Variants in ABI2 observed in about 807,000 individuals in gnomAD.
ABI2 encodes abelson interactor 2.
In ABI2, 25 loss-of-function variants were observed where a neutral mutation model predicts 59.2. That is an observed-to-expected ratio of 0.42 (90% CI 0.31 to 0.59). ABI2 has a LOEUF of 0.59. Among genes scored for constraint, ABI2 ranks in the 20% least tolerant of loss-of-function variants. The pLI is 0.14. For missense variants in ABI2, 545 were observed against 681.8 expected (o/e 0.80, Z 2.23); for synonymous variants, 213 against 235.5 (o/e 0.90, Z 0.87).
At chr2:203,388,676 G>T (rs1320632083) in intron 4 of ABI2, among the ~76,000 whole-genome samples, 1 of 151,794 alleles carries the variant, frequency 6.6e-6, no homozygotes, top group Non-Finnish European at 1.5e-5. Flanking sequence ...GCGAGACTCT[G>T]TCTTAAAAAA....
intron 1 of ABI2, among the ~76,000 whole-genome samples, chr2:203,338,670 GA>G (rs2077562149): frequency 6.6e-6 from 1 of 151,668 alleles, no homozygotes; most frequent in South Asian, 2.1e-4. Flanking sequence ...ACGATCATAA[GA>G]ATGGACTGAT....
chr2:203,374,485 C>T (rs1175507606), intron 2 of ABI2, among the ~76,000 whole-genome samples: 4 of 124,536 alleles, frequency 3.2e-5, no homozygotes, highest in South Asian at 2.4e-4. Context: ...GGTGGCAAAG[C>T]GAGACTCTGT....
chr2:203,346,783 C>T (rs1187012706), intron 1 of ABI2, among the ~76,000 whole-genome samples: 3 of 152,114 alleles, frequency 2.0e-5, no homozygotes, highest in Admixed American at 1.3e-4. Context: ...AAAATAATAA[C>T]CTGTGGCCAA....
At chr2:203,384,290 GTTTTTTT>G (rs796117154) in intron 4 of ABI2, among the ~76,000 whole-genome samples, 1 of 26,110 alleles carries the variant, frequency 3.8e-5, no homozygotes, top group Non-Finnish European at 8.0e-5. Flanking sequence ...TTTTGTTTTT[GTTTTTTT>G]TTTTTTTTTT....
At chr2:203,380,047 A>G (rs2096010916) in intron 2 of ABI2, among the ~76,000 whole-genome samples, 161 bp from the exon 3 acceptor site, 1 of 152,222 alleles carries the variant, frequency 6.6e-6, no homozygotes, top group Non-Finnish European at 1.5e-5. Context: ...CCTTGCTTTA[A>G]CCTAAAAATG....
intron 4 of ABI2, among the ~76,000 whole-genome samples, chr2:203,385,234 C>G (rs2096444834): frequency 6.7e-6 from 1 of 149,394 alleles, no homozygotes; most frequent in African/African-American, 2.4e-5. Flanking sequence ...AGGTTTCACG[C>G]CATTCTCCTG....
chr2:203,399,515 G>C (rs577381219), intron 8 of ABI2, among the ~76,000 whole-genome samples: 1 of 151,496 alleles, frequency 6.6e-6, no homozygotes, highest in African/African-American at 2.4e-5. Context: ...TTTTTTTGGC[G>C]GGGGGAGGAG....
At chr2:203,350,405 G>C (rs1183900258) in intron 1 of ABI2, among the ~76,000 whole-genome samples, 5 of 152,088 alleles carry the variant, frequency 3.3e-5, no homozygotes, top group Non-Finnish European at 7.4e-5. Context: ...CTGGAGTACA[G>C]CGGCATGATC....
chr2:203,403,166 A>G (rs1181697466), intron 9 of ABI2, among the ~76,000 whole-genome samples: 1 of 152,250 alleles, frequency 6.6e-6, no homozygotes, highest in Non-Finnish European at 1.5e-5. Context: ...ACTAGCTTAT[A>G]CAATTCTCAT....
chr2:203,390,980 A>G, intron 4 of ABI2, 66 bp from the exon 5 acceptor site: 1 of 1,250,714 alleles, frequency 8.0e-7, no homozygotes, highest in Non-Finnish European at 1.2e-6. Flanking sequence ...AGTGTAGCAT[A>G]TTATTTCCCA....
chr2:203,402,186 C>T (rs951341861), intron 8 of ABI2, among the ~76,000 whole-genome samples: 1 of 152,134 alleles, frequency 6.6e-6, no homozygotes, highest in African/African-American at 2.4e-5. Context: ...AGGCGCACGC[C>T]ACCATACCTG....
At position 203,351,694 on chromosome 2, in the gene ABI2, C is replaced by T. The variant is rs569280751; in HGVS notation, c.118-15183C>T. 5.0e-4 allele frequency: 162 copies of T among 323,798 alleles called. 1 individual carries two copies. Among genetic ancestry groups the T allele is most frequent in the Admixed American group, 1.5e-3 (34 of 22,066 alleles). 20.1% of individuals were successfully genotyped at this position (323,798 alleles called of 1,614,324 possible). On this transcript the variant is annotated intron_variant, in intron 1 of 11. Transcript: ENST00000261018. ...GGGACTACAGGTGCGTGCTACTGTG[C>T]CCGGCTGATTTTCGTATTTTTTGTA...
chr2:203,383,556 C>T (rs1429190810), intron 4 of ABI2, among the ~76,000 whole-genome samples: 12 of 152,216 alleles, frequency 7.9e-5, no homozygotes, highest in East Asian at 3.9e-4. Context: ...ACTAGCTTGC[C>T]CAAGCTACTA....
At position 203,408,833 on chromosome 2, in the gene ABI2, C is replaced by CTTTTTTTTTTTTTTTTTTTTTTT. The variant is rs1156536730; in HGVS notation, c.1193-2436_1193-2435insTTTTTTTTTTTTTTTTTTTTTTT. Among the ~76,000 whole-genome samples the CTTTTTTTTTTTTTTTTTTTTTTT allele has an allele frequency of 2.3e-5, 2 of 87,204 alleles. 1 individual carries two copies. Among genetic ancestry groups the CTTTTTTTTTTTTTTTTTTTTTTT allele is most frequent in the Non-Finnish European group, 4.8e-5 (2 of 41,756 alleles). 57.2% of individuals were successfully genotyped at this position (87,204 alleles called of 152,430 possible). A position where few individuals can be genotyped will look rare whatever the true frequency, so the allele number is the denominator to read the frequency against. On this transcript the variant is annotated intron_variant, in intron 9 of 11. Coordinates refer to ENST00000261018, the MANE Select transcript of ABI2 (RefSeq NM_001375670.1). ...TTTTGTCTATGCTACCTTCTCCTTT[C>CTTTTTTTTTTTTTTTTTTTTTTT]TTTTTTTTTTTTTTTTGAGACGGAG... is the stretch of plus-strand genomic sequence containing the variant.
At chr2:203,366,027 T>C (rs1375678603) in intron 1 of ABI2, among the ~76,000 whole-genome samples, 1 of 152,232 alleles carries the variant, frequency 6.6e-6, no homozygotes, top group Non-Finnish European at 1.5e-5. Flanking sequence ...TTTTTCCATA[T>C]TGGTTTTTTC....
intron 1 of ABI2, among the ~76,000 whole-genome samples, chr2:203,362,446 C>T (rs761869027): frequency 4.1e-4 from 63 of 151,882 alleles, no homozygotes; most frequent in Middle Eastern, 3.4e-3. Context: ...GAGTGTATTA[C>T]CTTTGGGTCC....
rs1326417013 is a variant in ABI2, at chr2:203,431,605, A to G, written c.*4253A>G. 1 of 152,198 alleles carries G rather than the reference A, an allele frequency of 6.6e-6. No individual in the cohort carries two copies. The highest frequency in any genetic ancestry group is 1.5e-5 in the Non-Finnish European group (1 of 68,026). 9.4% of individuals were successfully genotyped at this position (152,198 alleles called of 1,614,324 possible). On this transcript the variant is annotated 3_prime_UTR_variant, in exon 12 of 12. Coordinates refer to ENST00000261018, the MANE Select transcript of ABI2 (RefSeq NM_001375670.1). ...GCAGCCTTATTGGAGAGAGCCTTAT[A>G]AAAGTGATTAAATGGAGGCATTGAG... is the stretch of plus-strand genomic sequence containing the variant.
intron 2 of ABI2, among the ~76,000 whole-genome samples, chr2:203,368,941 C>G (rs906026467): frequency 2.7e-5 from 4 of 149,008 alleles, no homozygotes; most frequent in African/African-American, 9.9e-5. Context: ...CTCAGCCTCT[C>G]AAGTAGCTGG....
In ABI2 at chr2:203,427,562, G is replaced by A; in HGVS notation, c.*210G>A. 2.1e-6 allele frequency: 1 copy of A among 486,988 alleles called. No individual in the cohort carries two copies. The allele number at this position is 486,988 out of a possible 1,614,324, so 30.2% of individuals were successfully genotyped here. On this transcript the variant is annotated 3_prime_UTR_variant, in exon 12 of 12. Coordinates refer to ENST00000261018, the MANE Select transcript of ABI2 (RefSeq NM_001375670.1). ...TCTGCCATCATTTGTACAATGCTGA[G>A]CTGTCTGGATTGAAATAAAATGACC...
Sources: gnomAD v4.1 joint callset for allele counts (sites outside exome capture counted in the v4.1 genomes callset) on GRCh38, gnomAD v4.1.1 for gene constraint, MANE v1.5 for transcripts, NCBI Gene and HGNC (gene_info 2026-07-23, HGNC 2026-07-21) for gene names.